PARP8: variants seen among roughly 807,000 people sequenced by gnomAD.
The protein encoded by PARP8 is poly(ADP-ribose) polymerase family member 8, also known as protein mono-ADP-ribosyltransferase PARP8.
A neutral mutation model predicts 124.1 loss-of-function variants in PARP8; 51 were observed. The ratio of observed to expected loss-of-function variants is 0.41; its 90% CI spans 0.33 to 0.52. The LOEUF is 0.52. Ranked by LOEUF, PARP8 falls within the 20% of genes least tolerant of loss-of-function variation. The pLI, the probability that PARP8 is intolerant of heterozygous loss-of-function variation, is 0.21. For synonymous variants in PARP8, 391 were observed against 361.5 expected (o/e 1.08, Z -0.93); for missense variants, 860 against 1,018.9 (o/e 0.84, Z 2.12).
chr5:50,730,823 C>G (rs1319000720), intron 2 of PARP8, among the ~76,000 whole-genome samples: 5 of 151,928 alleles, frequency 3.3e-5, no homozygotes, highest in Non-Finnish European at 5.9e-5. Context: ...TAATAATGAT[C>G]AAAGGTGAGG....
At chr5:50,754,015 A>G (rs1344427009) in intron 3 of PARP8, among the ~76,000 whole-genome samples, 4 of 149,120 alleles carry the variant, frequency 2.7e-5, no homozygotes, top group African/African-American at 5.0e-5. Flanking sequence ...AAACATACAC[A>G]TTAAAAATCT....
chr5:50,706,350 G>A (rs1754147470), intron 2 of PARP8, among the ~76,000 whole-genome samples: 1 of 151,856 alleles, frequency 6.6e-6, no homozygotes. Context: ...ATGTTTTTCA[G>A]ATGGCTGGTT....
chr5:50,795,143 T>G lies in PARP8; in HGVS notation c.1154T>G (p.Leu385Trp). 1 of 1,614,216 alleles carries G rather than the reference T, an allele frequency of 6.2e-7. No individual in the cohort carries two copies. Reference sequence around the variant, plus strand: ...CTAACTCTAAAGTCGCATAGACTATTGACTCGATCTTGTTCTGGAGATCCA... The same window carrying G: ...CTAACTCTAAAGTCGCATAGACTATGGACTCGATCTTGTTCTGGAGATCCA... The part of the protein sequence containing the change: ...ECLTLKSHRL[L>W]TRSCSGDPRC... Residue 385 changes from leucine to tryptophan, a missense_variant, in exon 12 of 26, where the codon TTG becomes TGG. By Grantham distance (61) the Leu-to-Trp change is moderately conservative. Transcript: ENST00000281631.
chr5:50,676,467 T>A (rs965689771), intron 2 of PARP8, among the ~76,000 whole-genome samples: 14 of 152,266 alleles, frequency 9.2e-5, no homozygotes, highest in Non-Finnish European at 1.3e-4. Context: ...CCTTTCTTAT[T>A]CATCAAAGCC....
intron 6 of PARP8, among the ~76,000 whole-genome samples, chr5:50,762,735 TAAGATA>T (rs1367408804): frequency 6.6e-6 from 1 of 152,220 alleles, no homozygotes; most frequent in Non-Finnish European, 1.5e-5. Flanking sequence ...TTTCTAGCAA[TAAGATA>T]GTTTTCCCAA....
chr5:50,759,588 A>G (rs1760328060), intron 3 of PARP8, 55 bp from the exon 4 acceptor site: 4 of 1,482,552 alleles, frequency 2.7e-6, no homozygotes, highest in Non-Finnish European at 3.6e-6. Flanking sequence ...ATTTTTGTAA[A>G]GGATGTATTT....
chr5:50,824,430 A>C (rs1746112549), intron 17 of PARP8, among the ~76,000 whole-genome samples: 1 of 152,194 alleles, frequency 6.6e-6, no homozygotes, highest in Non-Finnish European at 1.5e-5. Context: ...AGGAAGCAAA[A>C]GGCGCTACAA....
intron 2 of PARP8, chr5:50,738,947 C>T: frequency 1.4e-6 from 1 of 702,010 alleles, no homozygotes; most frequent in South Asian, 1.5e-5. Context: ...CTGTCTCTGA[C>T]ATTTTCTAAG....
intron 5 of PARP8, among the ~76,000 whole-genome samples, chr5:50,760,873 G>A (rs2149576697): frequency 6.6e-6 from 1 of 152,136 alleles, no homozygotes; most frequent in South Asian, 2.1e-4. Context: ...CAAACAAAAT[G>A]AGTGCAATAG....
chr5:50,775,479 C>T (rs944435262), intron 7 of PARP8, among the ~76,000 whole-genome samples: 4 of 151,864 alleles, frequency 2.6e-5, no homozygotes, highest in South Asian at 4.2e-4. Context: ...CACGGGAGCC[C>T]GAGGCAGGGA....
At chr5:50,793,777 A>T (rs904194845) in intron 10 of PARP8, among the ~76,000 whole-genome samples, 2 of 152,122 alleles carry the variant, frequency 1.3e-5, no homozygotes, top group African/African-American at 4.8e-5. Context: ...TTCTATCTTA[A>T]TAAATAGCAT....
intron 14 of PARP8, among the ~76,000 whole-genome samples, chr5:50,809,266 A>T (rs1744183692): frequency 1.3e-5 from 2 of 152,080 alleles, no homozygotes; most frequent in African/African-American, 4.8e-5. Context: ...AAAACTGTAA[A>T]TACAGAGAAT....
At chr5:50,671,935 C>A (rs1405715571) in intron 2 of PARP8, among the ~76,000 whole-genome samples, 1 of 152,152 alleles carries the variant, frequency 6.6e-6, no homozygotes, top group African/African-American at 2.4e-5. Context: ...GATATATTGG[C>A]ATCTTTTGAA....
At chr5:50,778,471 C>T (rs1740284999) in intron 8 of PARP8, 89 bp from the exon 9 acceptor site, 7 of 1,141,832 alleles carry the variant, frequency 6.1e-6, no homozygotes, top group Admixed American at 5.0e-5. Flanking sequence ...ATGCATTTTG[C>T]GAACACAAGT....
intron 3 of PARP8, among the ~76,000 whole-genome samples, chr5:50,755,823 T>C (rs1023511410): frequency 6.6e-6 from 1 of 152,216 alleles, no homozygotes; most frequent in African/African-American, 2.4e-5. Flanking sequence ...GCATGGAATG[T>C]TCTTCCATTT....
chr5:50,833,769 C>T (rs985543446), intron 23 of PARP8, among the ~76,000 whole-genome samples: 1 of 151,792 alleles, frequency 6.6e-6, no homozygotes, highest in African/African-American at 2.4e-5. Context: ...TTTCAGTTCA[C>T]TTATCTCAAG....
In PARP8 at chr5:50,789,104, G is replaced by A. The variant is rs79298618; in HGVS notation, c.737+515G>A. On this transcript the variant is annotated intron_variant, in intron 10 of 25. Transcript: ENST00000281631. ...AGGTGGTATCAGTTTAGCAGCCACCGGCCCTGGACTCCTGCACTATCCCTA... is the reference window on the plus strand; with the variant it reads ...AGGTGGTATCAGTTTAGCAGCCACCAGCCCTGGACTCCTGCACTATCCCTA... Among the ~76,000 whole-genome samples the A allele has an allele frequency of 7.6e-3, 1,160 of 152,192 alleles. 15 individuals are homozygous for A. Among genetic ancestry groups the A allele is most frequent in the African/African-American group, 0.026 (1,081 of 41,516 alleles).
chr5:50,723,676 C>T (rs1372721077), intron 2 of PARP8, among the ~76,000 whole-genome samples: 2 of 151,428 alleles, frequency 1.3e-5, no homozygotes, highest in African/African-American at 4.9e-5. Context: ...GAAAGAACAT[C>T]AAAAGACAAA....
chr5:50,783,552 T>C (rs1740911896), intron 9 of PARP8, among the ~76,000 whole-genome samples: 2 of 152,222 alleles, frequency 1.3e-5, no homozygotes, highest in Admixed American at 1.3e-4. Flanking sequence ...TACACTAATA[T>C]ATACTATAGT....
Sources: allele counts gnomAD v4.1 joint callset (sites outside exome capture counted in the v4.1 genomes callset), GRCh38; gene constraint gnomAD v4.1.1; transcripts MANE v1.5; gene names NCBI Gene and HGNC (gene_info 2026-07-23, HGNC 2026-07-21).